Variants in EXOC4 observed in about 807,000 individuals in gnomAD.
EXOC4 encodes the protein SEC8-like 1.
A neutral mutation model predicts 107.2 loss-of-function variants in EXOC4; 71 were observed. That is an observed-to-expected ratio of 0.66 (90% CI 0.55 to 0.81). The LOEUF (loss-of-function observed/expected upper bound fraction) is 0.81, where lower values mean the gene tolerates loss of function less well. Among genes scored for constraint, EXOC4 ranks in the 30% least tolerant of loss-of-function variants. The pLI, the probability that EXOC4 is intolerant of heterozygous loss-of-function variation, is 0.00. For synonymous variants in EXOC4, 456 were observed against 441.2 expected (o/e 1.03, Z -0.42); for missense variants, 1,108 against 1,189.6 (o/e 0.93, Z 1.01).
chr7:133,452,558 A>G (rs1798371957), intron 7 of EXOC4, among the ~76,000 whole-genome samples: 1 of 148,536 alleles, frequency 6.7e-6, no homozygotes, highest in Admixed American at 6.8e-5. Flanking sequence ...GCTCCAGTCA[A>G]CCTTTAGCTC....
At chr7:133,673,206 C>G (rs1387750597) in intron 10 of EXOC4, among the ~76,000 whole-genome samples, 4 of 152,160 alleles carry the variant, frequency 2.6e-5, no homozygotes, top group Admixed American at 2.6e-4. Context: ...CCTTACTTTG[C>G]TCTTCTTTGG....
At chr7:133,569,971 T>C (rs1283578576) in intron 9 of EXOC4, among the ~76,000 whole-genome samples, 3 of 152,192 alleles carry the variant, frequency 2.0e-5, no homozygotes, top group Non-Finnish European at 4.4e-5. Flanking sequence ...TTTTATAAGA[T>C]AATGGCGGAA....
chr7:133,680,278 T>A (rs1794157928), intron 10 of EXOC4, among the ~76,000 whole-genome samples: 1 of 152,194 alleles, frequency 6.6e-6, no homozygotes, highest in South Asian at 2.1e-4. Context: ...CTTTTTTCAT[T>A]CACTACAATT....
At chr7:133,290,135 A>G (rs1378294553) in intron 3 of EXOC4, among the ~76,000 whole-genome samples, 1 of 152,202 alleles carries the variant, frequency 6.6e-6, no homozygotes, top group Non-Finnish European at 1.5e-5. Flanking sequence ...ATGATATTCT[A>G]TCAGATATTA....
chr7:133,306,744 A>G (rs1794762396), intron 4 of EXOC4, among the ~76,000 whole-genome samples: 1 of 152,050 alleles, frequency 6.6e-6, no homozygotes, highest in South Asian at 2.1e-4. Flanking sequence ...TATTGACTGA[A>G]TGATAAGATT....
At chr7:134,051,118 C>CT (rs1460151961) in intron 17 of EXOC4, among the ~76,000 whole-genome samples, 2 of 152,128 alleles carry the variant, frequency 1.3e-5, no homozygotes, top group Non-Finnish European at 2.9e-5. Context: ...AATTCAGTGG[C>CT]TAGGGAGGCC....
intron 2 of EXOC4, among the ~76,000 whole-genome samples, chr7:133,282,013 CT>C (rs1350467445): frequency 6.6e-6 from 1 of 152,156 alleles, no homozygotes; most frequent in Non-Finnish European, 1.5e-5. Context: ...AAATTCAGTA[CT>C]TTTCTGATTT....
chr7:133,523,032 A>G (rs1800008704), intron 9 of EXOC4, among the ~76,000 whole-genome samples: 1 of 152,220 alleles, frequency 6.6e-6, no homozygotes, highest in Non-Finnish European at 1.5e-5. Flanking sequence ...GCCTGATGCC[A>G]GTAAGAAATA....
intron 7 of EXOC4, among the ~76,000 whole-genome samples, chr7:133,392,970 C>G (rs1796886202): frequency 6.6e-6 from 1 of 152,116 alleles, no homozygotes; most frequent in African/African-American, 2.4e-5. Flanking sequence ...TTAGTTTACC[C>G]TTTTCTATAG....
chr7:134,089,318 T>G, the EXOC4 span, among the ~76,000 whole-genome samples: 6 of 152,202 alleles, frequency 3.9e-5, no homozygotes, highest in African/African-American at 1.4e-4. Context: ...TTATAATCTT[T>G]TACCAAAAAC....
intron 11 of EXOC4, among the ~76,000 whole-genome samples, chr7:133,882,438 G>A (rs1263416141): frequency 1.3e-5 from 2 of 152,176 alleles, no homozygotes; most frequent in Non-Finnish European, 2.9e-5. Flanking sequence ...AATATTTATT[G>A]AGTACCTGTT....
chr7:133,970,403 A>G (rs910939870), intron 14 of EXOC4, among the ~76,000 whole-genome samples: 1 of 151,816 alleles, frequency 6.6e-6, no homozygotes, highest in African/African-American at 2.4e-5. Context: ...GAAAAAAAAA[A>G]TCCTGTAGCT....
chr7:133,503,186 C>T (rs969973569), intron 9 of EXOC4, among the ~76,000 whole-genome samples: 1 of 152,072 alleles, frequency 6.6e-6, no homozygotes, highest in Non-Finnish European at 1.5e-5. Flanking sequence ...GGTTGATAGT[C>T]TTGTGTGACT....
intron 10 of EXOC4, among the ~76,000 whole-genome samples, chr7:133,713,533 A>G (rs150537658): frequency 2.0e-5 from 3 of 152,220 alleles, no homozygotes; most frequent in African/African-American, 2.4e-5. Flanking sequence ...AGACCAAAAA[A>G]TAAGTAAACA....
intron 1 of EXOC4, 73 bp from the exon 2 acceptor site, chr7:133,274,909 T>C: frequency 8.0e-7 from 1 of 1,242,574 alleles, no homozygotes. Flanking sequence ...TGCATTTTAC[T>C]TTCTGCTTCA....
At chr7:133,879,162 G>A (rs1449843597) in intron 11 of EXOC4, among the ~76,000 whole-genome samples, 1 of 151,998 alleles carries the variant, frequency 6.6e-6, no homozygotes, top group Non-Finnish European at 1.5e-5. Context: ...GAGTATTGGT[G>A]CAATCATAGC....
rs538502688 is a variant in EXOC4 at position 134,005,765 on chromosome 7, C to G, written c.2527+675C>G. ...GGTTTGTTTGTATGAAAACTTGTAT[C>G]TGTGTTCTCTCACAGAATTAAACTA... On this transcript the variant is annotated intron_variant, in intron 16 of 17. Transcript: ENST00000253861. 1.8e-4 allele frequency among the ~76,000 whole-genome samples: 27 copies of G among 152,272 alleles called. 1 individual carries two copies. The East Asian group carries it at 5.0e-3, about 28-fold the overall frequency.
chr7:133,911,450 G>A (rs981917234), intron 12 of EXOC4, among the ~76,000 whole-genome samples: 1 of 152,116 alleles, frequency 6.6e-6, no homozygotes, highest in Non-Finnish European at 1.5e-5. Context: ...TTTTGGGATT[G>A]GTGTTCATTC....
At chr7:133,684,278 T>G (rs182955680) in intron 10 of EXOC4, among the ~76,000 whole-genome samples, 42 of 152,290 alleles carry the variant, frequency 2.8e-4, no homozygotes, top group Admixed American at 1.8e-3. Flanking sequence ...TCAGAATACT[T>G]TATTCTTTGA....
Sources: allele counts gnomAD v4.1 joint callset (sites outside exome capture counted in the v4.1 genomes callset), GRCh38; gene constraint gnomAD v4.1.1; transcripts MANE v1.5; gene names NCBI Gene and HGNC (gene_info 2026-07-23, HGNC 2026-07-21).